HTR2C: variants seen among roughly 807,000 people sequenced by gnomAD.
HTR2C encodes 5-hydroxytryptamine receptor 2C.
A neutral mutation model predicts 21.0 loss-of-function variants in HTR2C; 5 were observed. The observed-to-expected ratio is 0.24, with a 90% CI of 0.12 to 0.50. The LOEUF (loss-of-function observed/expected upper bound fraction) is 0.50. Ranked by LOEUF, HTR2C falls within the 20% of genes least tolerant of loss-of-function variation. The pLI is 0.98. For missense variants in HTR2C, 271 were observed against 371.2 expected, an observed-to-expected ratio of 0.73 and a Z score of 2.22; for synonymous variants, 150 against 145.3, an observed-to-expected ratio of 1.03 and a Z score of -0.23.
intron 4 of HTR2C, among the ~76,000 whole-genome samples, chrX:114,793,555 T>A (rs1430345171): frequency 8.9e-6 from 1 of 111,787 alleles, no homozygotes; most frequent in Non-Finnish European, 1.9e-5. Flanking sequence ...AGCTGTATTA[T>A]CCTATTCCCA....
chrX:114,745,973 T>G lies in HTR2C; in HGVS notation c.349+14366T>G, dbSNP rs191696678. ...AACTTAAAGAGTATAATTGGATTGT[T>G]TGTAAGTCAATGCATAAATGCTTGA... On this transcript the variant is annotated intron_variant, in intron 4 of 5. Transcript: ENST00000276198. Among the ~76,000 whole-genome samples the G allele has an allele frequency of 3.6e-5, 4 of 112,361 alleles. No homozygotes were observed. In the East Asian group the frequency reaches 8.4e-4, roughly 24 times the overall value.
intron 2 of HTR2C, among the ~76,000 whole-genome samples, chrX:114,715,656 A>G (rs1471983868): frequency 2.7e-5 from 3 of 111,857 alleles, no homozygotes; most frequent in Admixed American, 1.9e-4. Flanking sequence ...GATGGAGAGT[A>G]GCTGGCAAAT....
chrX:114,823,126 G>A (rs782794918), intron 4 of HTR2C, among the ~76,000 whole-genome samples: 1 of 111,692 alleles, frequency 9.0e-6, no homozygotes, highest in Non-Finnish European at 1.9e-5. Context: ...AATACAGGTT[G>A]ACTAAATTGG....
At chrX:114,805,554 T>TAA (rs1556448477) in intron 4 of HTR2C, among the ~76,000 whole-genome samples, 1 of 100,560 alleles carries the variant, frequency 9.9e-6, no homozygotes, top group Non-Finnish European at 2.0e-5. Flanking sequence ...TGTATATATA[T>TAA]ACACACCATA....
intron 1 of HTR2C, among the ~76,000 whole-genome samples, chrX:114,585,868 G>T (rs1317261790): frequency 1.8e-5 from 2 of 109,440 alleles, no homozygotes; most frequent in East Asian, 2.9e-4. Flanking sequence ...TACCTTTTAG[G>T]CAGGCTAACC....
Position 114,770,292 on chromosome X carries a change from A to G in HTR2C, c.349+38685A>G, listed in dbSNP as rs782480454. On this transcript the variant is annotated intron_variant, in intron 4 of 5. Transcript: ENST00000276198. ...AAAATTTCAGCCATTGTTTTTTCAAATATCTTTTCTGTATCTTTCTAACCT... is the reference window on the plus strand; with the variant it reads ...AAAATTTCAGCCATTGTTTTTTCAAGTATCTTTTCTGTATCTTTCTAACCT... Among the ~76,000 whole-genome samples, 19 of 111,727 alleles carry G rather than the reference A, an allele frequency of 1.7e-4. No homozygotes were observed. In the South Asian group the frequency reaches 5.2e-3, roughly 31 times the overall value.
At chrX:114,840,652 G>A (rs1407068590) in intron 4 of HTR2C, among the ~76,000 whole-genome samples, 1 of 111,573 alleles carries the variant, frequency 9.0e-6, no homozygotes, top group African/African-American at 3.3e-5. Flanking sequence ...GGTGAAAGCC[G>A]TAAGTTTATA....
chrX:114,660,212 T>C, intron 2 of HTR2C, among the ~76,000 whole-genome samples: 1 of 112,132 alleles, frequency 8.9e-6, no homozygotes, highest in Non-Finnish European at 1.9e-5. Flanking sequence ...TTCAAATTAT[T>C]ATTCATGATT....
chrX:114,713,533 G>A (rs1342446379), intron 2 of HTR2C, among the ~76,000 whole-genome samples: 9 of 111,185 alleles, frequency 8.1e-5, no homozygotes, highest in Non-Finnish European at 1.3e-4. Flanking sequence ...TGGCACTCAA[G>A]TGAGTGGAAT....
Position 114,614,239 on chromosome X carries a change from CTT to C in HTR2C, c.-80+359_-80+360del, listed in dbSNP as rs782412455. ...CAATTTTCTTCTTCAATGACAAACT[CTT>C]GTTTTTTTTTTGTTTTTTTGTTTTG... On this transcript the variant is annotated intron_variant, in intron 2 of 5. Coordinates refer to ENST00000276198, the MANE Select transcript of HTR2C (RefSeq NM_000868.4). Among the ~76,000 whole-genome samples the C allele has an allele frequency of 6.1e-4, 67 of 109,626 alleles. 2 individuals carry two copies. The South Asian group carries it at 0.025, about 40-fold the overall frequency.
At chrX:114,748,571 T>C (rs1247170597) in intron 4 of HTR2C, among the ~76,000 whole-genome samples, 1 of 111,521 alleles carries the variant, frequency 9.0e-6, no homozygotes, top group Admixed American at 9.5e-5. Flanking sequence ...CATATATGAA[T>C]GGACATAAAT....
chrX:114,824,138 G>T (rs1288756465), intron 4 of HTR2C, among the ~76,000 whole-genome samples: 1 of 111,837 alleles, frequency 8.9e-6, no homozygotes, highest in Non-Finnish European at 1.9e-5. Context: ...TTACAAGGAA[G>T]TAGGTGTGAT....
chrX:114,719,651 A>T (rs1462685811), intron 2 of HTR2C, among the ~76,000 whole-genome samples: 2 of 111,760 alleles, frequency 1.8e-5, no homozygotes, highest in African/African-American at 6.5e-5. Context: ...GGAAATCTAT[A>T]TACATAATAT....
At chrX:114,584,783 AG>A (rs1927318067) in intron 1 of HTR2C, 124 bp downstream of exon 1, 1 of 106,844 alleles carries the variant, frequency 9.4e-6, no homozygotes, top group Non-Finnish European at 1.9e-5. Context: ...GCCCTAGCGG[AG>A]GTTGGGGGGA....
chrX:114,607,940 T>TG (rs1475585939), intron 1 of HTR2C, among the ~76,000 whole-genome samples: 1 of 111,295 alleles, frequency 9.0e-6, no homozygotes, highest in Non-Finnish European at 1.9e-5. Context: ...TGAGCCAAGA[T>TG]GATACCACTG....
chrX:114,726,893 G>T lies in HTR2C; in HGVS notation c.-44G>T. 1 of 940,429 alleles carries T rather than the reference G, an allele frequency of 1.1e-6. No homozygotes were observed. The highest frequency in any genetic ancestry group is 3.5e-5 in the East Asian group (1 of 28,800). The allele number at this position is 940,429 out of a possible 1,213,427, so 77.5% of individuals were successfully genotyped here. A position where few individuals can be genotyped will look rare whatever the true frequency, so the allele number is the denominator to read the frequency against. On this transcript the variant is annotated 5_prime_UTR_variant, in exon 3 of 6. Transcript: ENST00000276198. ...ATGATGAACCTAGCCTGTTAATTTC[G>T]TCTTCTCAATTTTAAACTTTGGTTG...
chrX:114,874,799 G>A (rs977445580), intron 5 of HTR2C, among the ~76,000 whole-genome samples: 11 of 111,032 alleles, frequency 9.9e-5, no homozygotes, highest in Middle Eastern at 4.7e-3. Flanking sequence ...GTGAGCCACC[G>A]CACCCGGCCT....
rs782171736 is a variant in HTR2C, at chrX:114,767,294, C to T, written c.349+35687C>T. ...GTATACATGGGATAATTAGAACAGG[C>T]TGTCTTCTGCAGAGCAAGAGGTTTC... On this transcript the variant is annotated intron_variant, in intron 4 of 5. Coordinates refer to ENST00000276198, the MANE Select transcript of HTR2C (RefSeq NM_000868.4). 7.2e-5 allele frequency among the ~76,000 whole-genome samples: 8 copies of T among 110,919 alleles called. No individual in the cohort carries two copies. The South Asian group carries it at 2.3e-3, about 31-fold the overall frequency.
intron 5 of HTR2C, among the ~76,000 whole-genome samples, chrX:114,868,022 T>C (rs782343672): frequency 9.0e-6 from 1 of 111,432 alleles, no homozygotes; most frequent in Admixed American, 9.5e-5. Context: ...TTAGAATTTT[T>C]TTTTTCTATT....
Sources: gnomAD v4.1 joint callset for allele counts (sites outside exome capture counted in the v4.1 genomes callset) on GRCh38, gnomAD v4.1.1 for gene constraint, MANE v1.5 for transcripts, NCBI Gene and HGNC (gene_info 2026-07-23, HGNC 2026-07-21) for gene names.